The following KMT2C variants were observed in gnomAD, a reference collection of about 807,000 sequenced individuals.
KMT2C encodes histone-lysine N-methyltransferase 2C.
Under a neutral mutation model 507.9 loss-of-function variants are expected in KMT2C, and 88 were observed. The observed-to-expected ratio is 0.17, with a 90% CI of 0.15 to 0.21. KMT2C has a LOEUF of 0.21. Ranked by LOEUF, KMT2C falls within the 10% of genes least tolerant of loss-of-function variation. KMT2C has a pLI of 1.00. For missense variants in KMT2C, 4,954 were observed against 5,957.8 expected (o/e 0.83, Z 5.55); for synonymous variants, 2,049 against 2,080.8 (o/e 0.98, Z 0.42).
At chr7:152,302,815 TA>T (rs770452214) in intron 6 of KMT2C, among the ~76,000 whole-genome samples, 1 of 151,980 alleles carries the variant, frequency 6.6e-6, no homozygotes, top group Non-Finnish European at 1.5e-5. Context: ...TTAATTTTTA[TA>T]TTTTTTTAGT....
At chr7:152,310,322 T>C (rs1257523062) in intron 5 of KMT2C, among the ~76,000 whole-genome samples, 2 of 152,170 alleles carry the variant, frequency 1.3e-5, no homozygotes, top group Non-Finnish European at 2.9e-5. Context: ...ACTCCTGTAA[T>C]CTCAGCACTT....
chr7:152,319,131 T>C (rs1054301689), intron 3 of KMT2C, among the ~76,000 whole-genome samples: 1 of 152,162 alleles, frequency 6.6e-6, no homozygotes, highest in Admixed American at 6.5e-5. Context: ...ATAAGGTATA[T>C]ACGAAACATA....
chr7:152,295,600 T>G (rs187958213), intron 6 of KMT2C, among the ~76,000 whole-genome samples: 20 of 152,352 alleles, frequency 1.3e-4, no homozygotes, highest in African/African-American at 4.6e-4. Flanking sequence ...TAGACACTGT[T>G]TATTGCCTAT....
rs1394470395 is a variant in KMT2C at position 152,248,156 on chromosome 7, T to C, written c.2278A>G (p.Ile760Val). The change falls in exon 14 of 59, where the codon ATA becomes GTA. Residue 760 changes from isoleucine (I) to valine (V), a missense_variant. By Grantham distance (29) the Ile-to-Val change is conservative (BLOSUM62 3). Transcript: ENST00000262189. ...KDVSYQGGKSIKLSSETESSF... is the reference protein window; with the variant it reads ...KDVSYQGGKSVKLSSETESSF... ...GACTCTGTCTCAGATGATAACTTTA[T>C]AGATTTGCCTCCTTGGTATGAAACA... 6.8e-6 allele frequency: 11 copies of C among 1,614,062 alleles called. No individual in the cohort carries two copies. The highest frequency in any genetic ancestry group is 8.5e-6 in the Non-Finnish European group (10 of 1,179,996).
chr7:152,261,010 A>G (rs1245361405), intron 9 of KMT2C, among the ~76,000 whole-genome samples: 4 of 152,240 alleles, frequency 2.6e-5, no homozygotes, highest in Non-Finnish European at 5.9e-5. Context: ...AGAAAAGTAG[A>G]AAGGAATTAT....
intron 14 of KMT2C, among the ~76,000 whole-genome samples, chr7:152,243,572 A>T (rs928245539): frequency 1.3e-5 from 2 of 152,154 alleles, no homozygotes; most frequent in Non-Finnish European, 2.9e-5. Flanking sequence ...ACCTGAGGTC[A>T]GGAATTCGAG....
chr7:152,135,025 T>A lies in KMT2C; in HGVS notation c.*1807A>T. On this transcript the variant is annotated 3_prime_UTR_variant, in exon 59 of 59. Coordinates refer to ENST00000262189, the MANE Select transcript of KMT2C (RefSeq NM_170606.3). ...CTCTGTATACTTCAAAAAATTCAAT[T>A]TTTGCCAACATTAGATACTATTATA... 1 of 229,008 alleles carries A rather than the reference T, an allele frequency of 4.4e-6. No homozygotes were observed. Among genetic ancestry groups the A allele is most frequent in the Non-Finnish European group, 8.7e-6 (1 of 115,170 alleles). 14.2% of individuals were successfully genotyped at this position (229,008 alleles called of 1,614,324 possible).
intron 36 of KMT2C, among the ~76,000 whole-genome samples, 178 bp from the exon 37 acceptor site, chr7:152,180,304 C>T (rs924872373): frequency 6.6e-6 from 1 of 152,072 alleles, no homozygotes; most frequent in South Asian, 2.1e-4. Context: ...TACAAGCATG[C>T]GCCACCGTGC....
chr7:152,358,444 C>G, intron 2 of KMT2C, 143 bp downstream of exon 2: 1 of 491,198 alleles, frequency 2.0e-6, no homozygotes, highest in Non-Finnish European at 3.5e-6. Context: ...CATTAGTTAT[C>G]AAAACAAGGC....
intron 1 of KMT2C, among the ~76,000 whole-genome samples, chr7:152,433,338 T>A (rs2097882566): frequency 6.6e-6 from 1 of 152,362 alleles, no homozygotes; most frequent in South Asian, 2.1e-4. Context: ...TGGTTACACA[T>A]AAGTTTCACT....
At chr7:152,255,140 T>TAC (rs1554583932) in intron 9 of KMT2C, among the ~76,000 whole-genome samples, 42 of 125,430 alleles carry the variant, frequency 3.3e-4, no homozygotes, top group African/African-American at 1.2e-3. Context: ...TATATATATA[T>TAC]ATATACATAT....
In KMT2C at chr7:152,176,715, C is replaced by G. The variant is rs2129113510; in HGVS notation, c.8738G>C (p.Gly2913Ala). The part of the protein sequence containing the change: ...QDVINSCGIT[G>A]STPVLSSLLA... Reference sequence around the variant, plus strand: ...TAAACTTGAGAGAACTGGAGTTGATCCAGTTATGCCACAAGAGTTTATTAC... The same window carrying G: ...TAAACTTGAGAGAACTGGAGTTGATGCAGTTATGCCACAAGAGTTTATTAC... The change falls in exon 38 of 59, where the codon GGA (glycine) becomes GCA (alanine). Residue 2913 changes from glycine (G) to alanine (A), a missense_variant. Around this residue, in one of 29 missense-constraint regions of KMT2C, gnomAD observed 1,689 missense variants for 1,654.3 expected, o/e 1.02. Coordinates refer to ENST00000262189, the MANE Select transcript of KMT2C (RefSeq NM_170606.3). 6.2e-7 allele frequency: 1 copy of G among 1,614,100 alleles called. No individual in the cohort carries two copies. The highest frequency in any genetic ancestry group is 8.5e-7 in the Non-Finnish European group (1 of 1,180,024).
In KMT2C at chr7:152,145,110, C is replaced by T. The variant is rs777717184; in HGVS notation, c.14174+43G>A. ...CAAGCACAGGAAACCACTAATACGC[C>T]TAGAAACCCTGGGCTGTACTATGTG... On this transcript the variant is annotated intron_variant, in intron 54 of 58. Coordinates refer to ENST00000262189, the MANE Select transcript of KMT2C (RefSeq NM_170606.3). The T allele has an allele frequency of 2.5e-6, 4 of 1,593,062 alleles. No homozygotes were observed. The South Asian group carries it at 4.5e-5, about 18-fold the overall frequency.
chr7:152,416,751 T>G (rs925068675), intron 1 of KMT2C, among the ~76,000 whole-genome samples: 1 of 145,652 alleles, frequency 6.9e-6, no homozygotes, highest in Non-Finnish European at 1.5e-5. Context: ...TCAATGTAAT[T>G]TAAAAAAATA....
intron 6 of KMT2C, among the ~76,000 whole-genome samples, chr7:152,296,590 G>C (rs2096498832): frequency 6.6e-6 from 1 of 151,926 alleles, no homozygotes; most frequent in Non-Finnish European, 1.5e-5. Flanking sequence ...TAGAGGTCCT[G>C]CCCACTATCT....
At chr7:152,414,820 GAAATAAGTTA>G (rs1208203774) in intron 1 of KMT2C, among the ~76,000 whole-genome samples, 19 of 151,964 alleles carry the variant, frequency 1.3e-4, no homozygotes, top group African/African-American at 4.1e-4. Flanking sequence ...TTAAGGTAAT[GAAATAAGTTA>G]ACTTCTCAAT....
At chr7:152,281,361 A>T (rs2096204912) in intron 6 of KMT2C, among the ~76,000 whole-genome samples, 1 of 152,178 alleles carries the variant, frequency 6.6e-6, no homozygotes, top group Admixed American at 6.5e-5. Context: ...TAGCCAATAA[A>T]CTATGGGTAA....
intron 11 of KMT2C, among the ~76,000 whole-genome samples, chr7:152,251,183 A>G (rs922209573): frequency 3.9e-5 from 6 of 152,210 alleles, no homozygotes; most frequent in African/African-American, 1.4e-4. Flanking sequence ...GTGGTAGTTC[A>G]TGCCTGTAAT....
chr7:152,322,299 G>A lies in KMT2C; in HGVS notation c.390-6961C>T, dbSNP rs566306169. Among the ~76,000 whole-genome samples, 12 of 151,992 alleles carry A rather than the reference G, an allele frequency of 7.9e-5. No individual in the cohort carries two copies. In the South Asian group the frequency reaches 2.5e-3, roughly 32 times the overall value. ...GACGGCTCCAGCTCAGAAGACAGAG[G>A]TTGCAGAAAGCCAAGATCACACCAC... On this transcript the variant is annotated intron_variant, in intron 3 of 58. Transcript: ENST00000262189.
Sources: allele counts gnomAD v4.1 joint callset (sites outside exome capture counted in the v4.1 genomes callset), GRCh38; gene constraint gnomAD v4.1.1; regional missense constraint gnomAD v4.1.1; transcripts MANE v1.5; gene names NCBI Gene and HGNC (gene_info 2026-07-23, HGNC 2026-07-21).